KIAA1671: variants seen among roughly 807,000 people sequenced by gnomAD.
The protein encoded by KIAA1671 is KIAA1671, also known as uncharacterized protein KIAA1671.
Under a neutral mutation model 131.2 loss-of-function variants are expected in KIAA1671, and 52 were observed. The observed-to-expected ratio is 0.40, with a 90% confidence interval of 0.32 to 0.50. KIAA1671 has a LOEUF of 0.50. KIAA1671 is among the 20% of genes least tolerant of loss of function. The pLI is 0.73. For missense variants in KIAA1671, 2,360 were observed against 2,364.2 expected (o/e 1.00, Z 0.04); for synonymous variants, 1,003 against 961.6 (o/e 1.04, Z -0.80).
chr22:25,028,710 CCTGAAG>C lies in KIAA1671; in HGVS notation c.712_717del (p.Leu238_Lys239del). On this transcript the variant is annotated inframe_deletion, in exon 3 of 13. Coordinates refer to ENST00000358431, the MANE Select transcript of KIAA1671 (RefSeq NM_001145206.2). Reference sequence around the variant, plus strand: ...GCCCCCTTGTGGAGCCCAGGCCTCGCCTGAAGAGAAGGCCCGTGTCTGCCATTTTCA... The same window carrying C: ...GCCCCCTTGTGGAGCCCAGGCCTCGCAGAAGGCCCGTGTCTGCCATTTTCA... 6.4e-7 allele frequency: 1 copy of C among 1,551,228 alleles called. No homozygotes were observed. Among genetic ancestry groups the C allele is most frequent in the Non-Finnish European group, 8.7e-7 (1 of 1,147,004 alleles).
At chr22:25,018,128 A>G (rs1394207086) in intron 1 of KIAA1671, among the ~76,000 whole-genome samples, 1 of 151,528 alleles carries the variant, frequency 6.6e-6, no homozygotes, top group African/African-American at 2.4e-5. Flanking sequence ...TTGGGCTTCT[A>G]TAACCCCCCT....
In KIAA1671 at chr22:25,028,997, C is replaced by G; in HGVS notation, c.998C>G (p.Ala333Gly). 6.6e-7 allele frequency: 1 copy of G among 1,513,860 alleles called. No individual in the cohort carries two copies. Among genetic ancestry groups the G allele is most frequent in the African/African-American group, 1.4e-5 (1 of 71,642 alleles). 93.8% of individuals were successfully genotyped at this position (1,513,860 alleles called of 1,614,324 possible). A position where few individuals can be genotyped will look rare whatever the true frequency, so the allele number is the denominator to read the frequency against. ...SKLDRDCLVK[A>G]EAPLHDPDLD... Reference sequence around the variant, plus strand: ...CTGGACAGGGACTGTTTGGTCAAGGCGGAGGCTCCTCTTCATGATCCTGAT... The same window carrying G: ...CTGGACAGGGACTGTTTGGTCAAGGGGGAGGCTCCTCTTCATGATCCTGAT... Residue 333 changes from alanine to glycine, a missense_variant, in exon 3 of 13, where the codon GCG becomes GGG. Ala to Gly is a moderately conservative substitution (Grantham distance 60). Transcript: ENST00000358431.
At chr22:25,155,647 TTG>T (rs1396764677) in intron 6 of KIAA1671, among the ~76,000 whole-genome samples, 4 of 152,104 alleles carry the variant, frequency 2.6e-5, no homozygotes, top group Non-Finnish European at 5.9e-5. Flanking sequence ...GTATATGCAT[TTG>T]TGTGTGCATA....
At chr22:24,997,919 C>G (rs1465817999) in intron 1 of KIAA1671, among the ~76,000 whole-genome samples, 1 of 152,170 alleles carries the variant, frequency 6.6e-6, no homozygotes, top group African/African-American at 2.4e-5. Context: ...CTAGAGCTCA[C>G]TTCATATAAA....
chr22:25,098,102 C>T (rs1002742111), intron 6 of KIAA1671, among the ~76,000 whole-genome samples: 4 of 152,186 alleles, frequency 2.6e-5, no homozygotes, highest in Admixed American at 6.5e-5. Flanking sequence ...TGAAAATTGA[C>T]ACTTACAAAA....
chr22:25,022,132 A>C (rs1925706337), intron 1 of KIAA1671, among the ~76,000 whole-genome samples: 2 of 152,150 alleles, frequency 1.3e-5, no homozygotes, highest in Non-Finnish European at 2.9e-5. Context: ...TTTGGGGACT[A>C]AGGTCACATT....
intron 6 of KIAA1671, among the ~76,000 whole-genome samples, chr22:25,139,292 A>G (rs1203740150): frequency 6.6e-6 from 1 of 152,216 alleles, no homozygotes; most frequent in East Asian, 1.9e-4. Flanking sequence ...CAGGCTTGGC[A>G]GGCTGCCTTA....
chr22:25,062,726 C>G (rs978629131), intron 6 of KIAA1671: 4 of 152,334 alleles, frequency 2.6e-5, no homozygotes, highest in African/African-American at 9.6e-5. Context: ...TGGAGAGAAC[C>G]GATTGGGGCC....
intron 6 of KIAA1671, among the ~76,000 whole-genome samples, chr22:25,083,964 C>T (rs144922234): frequency 4.9e-4 from 74 of 152,374 alleles, no homozygotes; most frequent in Non-Finnish European, 8.5e-4. Context: ...GTGAAAGCCG[C>T]CTTTGTCCTC....
At chr22:25,048,697 G>A (rs1927371692) in intron 5 of KIAA1671, among the ~76,000 whole-genome samples, 1 of 152,192 alleles carries the variant, frequency 6.6e-6, no homozygotes, top group Non-Finnish European at 1.5e-5. Context: ...GTGCTGTGCT[G>A]TTCATGCACC....
intron 7 of KIAA1671, 74 bp from the exon 8 acceptor site, chr22:25,174,152 TATGCTGCCTGCAGC>T: frequency 1.4e-6 from 2 of 1,396,044 alleles, no homozygotes; most frequent in Non-Finnish European, 2.0e-6. Flanking sequence ...TAACCCAAGC[TATGCTGCCTGCAGC>T]ATCCTTCACT....
intron 6 of KIAA1671, among the ~76,000 whole-genome samples, chr22:25,079,023 A>T (rs1327402423): frequency 6.6e-6 from 1 of 152,098 alleles, no homozygotes; most frequent in Admixed American, 6.6e-5. Context: ...ATTGATAGCA[A>T]CTTCCTCGTG....
chr22:25,025,024 G>A (rs899311527), intron 1 of KIAA1671, among the ~76,000 whole-genome samples: 24 of 138,342 alleles, frequency 1.7e-4, no homozygotes, highest in Admixed American at 1.3e-3. Context: ...CATAGCATGT[G>A]CAAAGGCCCT....
intron 5 of KIAA1671, among the ~76,000 whole-genome samples, chr22:25,045,361 T>A (rs1927165628): frequency 6.6e-6 from 1 of 152,064 alleles, no homozygotes; most frequent in Admixed American, 6.5e-5. Context: ...TGGGAAGAGG[T>A]TGCTATTAGC....
intron 6 of KIAA1671, among the ~76,000 whole-genome samples, chr22:25,069,488 C>T (rs1928690451): frequency 6.6e-6 from 1 of 152,218 alleles, no homozygotes; most frequent in South Asian, 2.1e-4. Context: ...CTCCCTTTGC[C>T]AGCACCCCAC....
chr22:24,957,986 T>A (rs1285511632), intron 1 of KIAA1671, among the ~76,000 whole-genome samples: 7 of 140,112 alleles, frequency 5.0e-5, no homozygotes, highest in Middle Eastern at 3.7e-3. Flanking sequence ...TTTTTTTTTT[T>A]AATATTTTAC....
At chr22:25,011,041 A>G (rs1408924269) in intron 1 of KIAA1671, 5 of 151,930 alleles carry the variant, frequency 3.3e-5, no homozygotes, top group African/African-American at 1.2e-4. Context: ...CAGTGGCGTG[A>G]TCTTGGCCCA....
At chr22:25,053,259 G>A (rs999779054) in intron 6 of KIAA1671, 2 of 152,108 alleles carry the variant, frequency 1.3e-5, no homozygotes, top group Admixed American at 1.3e-4. Context: ...TTACTTTCAG[G>A]GTTCCCCTCA....
chr22:25,140,484 T>G (rs1410693091), intron 6 of KIAA1671, among the ~76,000 whole-genome samples: 1 of 152,154 alleles, frequency 6.6e-6, no homozygotes, highest in African/African-American at 2.4e-5. Context: ...CATGCCATTC[T>G]CAAGGCAGGG....
Sources: gnomAD v4.1 joint callset for allele counts (sites outside exome capture counted in the v4.1 genomes callset) on GRCh38, gnomAD v4.1.1 for gene constraint, MANE v1.5 for transcripts, NCBI Gene and HGNC (gene_info 2026-07-23, HGNC 2026-07-21) for gene names.